PALM2AKAP2: variants seen among roughly 807,000 people sequenced by gnomAD.
PALM2AKAP2 encodes PALM2-AKAP2 fusion protein.
PALM2AKAP2 carries 37 observed loss-of-function variants against 71.5 expected under a neutral mutation model. The observed-to-expected ratio is 0.52, with a 90% CI of 0.40 to 0.68. PALM2AKAP2 has a LOEUF of 0.68. Ranked by LOEUF, PALM2AKAP2 falls within the 30% of genes least tolerant of loss-of-function variation. The probability of loss-of-function intolerance (pLI) is 0.00; values close to 1 mark genes in which losing one functional copy is unlikely to be tolerated. For missense variants in PALM2AKAP2, 1,224 were observed against 1,191.8 expected, an observed-to-expected ratio of 1.03 and a Z score of -0.40; for synonymous variants, 468 against 478.8, an observed-to-expected ratio of 0.98 and a Z score of 0.29.
chr9:109,815,625 A>G (rs1389176768), intron 1 of PALM2AKAP2, among the ~76,000 whole-genome samples: 3 of 152,222 alleles, frequency 2.0e-5, no homozygotes, highest in Admixed American at 6.5e-5. Context: ...AATGGTACAC[A>G]TTCTAAAAAG....
intron 3 of PALM2AKAP2, among the ~76,000 whole-genome samples, chr9:109,882,168 C>A (rs746460722): frequency 7.2e-5 from 11 of 152,118 alleles, no homozygotes; most frequent in Non-Finnish European, 1.6e-4. Flanking sequence ...CAGACATGAA[C>A]CACCGCACCT....
chr9:109,974,539 G>A (rs1809425937), intron 6 of PALM2AKAP2, among the ~76,000 whole-genome samples: 1 of 152,116 alleles, frequency 6.6e-6, no homozygotes, highest in Non-Finnish European at 1.5e-5. Flanking sequence ...TGAATCGGCA[G>A]AGTGACACAT....
At chr9:109,894,818 G>A (rs1830163843) in intron 3 of PALM2AKAP2, among the ~76,000 whole-genome samples, 1 of 152,028 alleles carries the variant, frequency 6.6e-6, no homozygotes, top group South Asian at 2.1e-4. Context: ...GCCTCGCTCT[G>A]TTGCCCAGGC....
chr9:109,666,172 G>A (rs1215238080), intron 1 of PALM2AKAP2, among the ~76,000 whole-genome samples: 1 of 152,118 alleles, frequency 6.6e-6, no homozygotes, highest in South Asian at 2.1e-4. Context: ...GCCCTGCTTC[G>A]GCTCACCCTC....
intron 6 of PALM2AKAP2, among the ~76,000 whole-genome samples, chr9:109,982,663 T>A (rs1832298351): frequency 1.3e-5 from 2 of 152,194 alleles, no homozygotes; most frequent in Admixed American, 1.3e-4. Flanking sequence ...TCTCATTCTG[T>A]CACCCAGGCA....
At chr9:110,041,593 T>G (rs1833513440) in intron 7 of PALM2AKAP2, among the ~76,000 whole-genome samples, 1 of 151,928 alleles carries the variant, frequency 6.6e-6, no homozygotes. Context: ...GGAAAGGAAA[T>G]AAATGTGGAA....
At chr9:110,028,762 C>T (rs1013614296) in intron 7 of PALM2AKAP2, among the ~76,000 whole-genome samples, 2 of 151,924 alleles carry the variant, frequency 1.3e-5, no homozygotes, top group Non-Finnish European at 2.9e-5. Flanking sequence ...TTGCATGGGA[C>T]ATACTTATAT....
intron 1 of PALM2AKAP2, among the ~76,000 whole-genome samples, chr9:109,817,664 C>T (rs1213322826): frequency 6.6e-6 from 1 of 152,154 alleles, no homozygotes; most frequent in Non-Finnish European, 1.5e-5. Context: ...GCTCAGAATT[C>T]CCTAACCTCA....
intron 1 of PALM2AKAP2, among the ~76,000 whole-genome samples, chr9:109,687,344 T>C (rs1316346035): frequency 6.6e-6 from 1 of 152,220 alleles, no homozygotes; most frequent in East Asian, 1.9e-4. Flanking sequence ...GGCTGTTTTG[T>C]CCTTATAGTG....
chr9:110,168,532 G>A (rs1340117633), exon 4 of PALM2AKAP2: 2 of 1,600,432 alleles, frequency 1.2e-6, no homozygotes, highest in Admixed American at 1.8e-5. Flanking sequence ...TTTGGTGCTT[G>A]GGAGACCAAG....
At chr9:110,125,781 T>C (rs1459721434) in intron 1 of PALM2AKAP2, among the ~76,000 whole-genome samples, 17 of 149,950 alleles carry the variant, frequency 1.1e-4, no homozygotes, top group African/African-American at 3.4e-4. Flanking sequence ...TCTCTCTCTT[T>C]TTTTTTTTTT....
chr9:110,007,496 C>T (rs1251712185), intron 6 of PALM2AKAP2, among the ~76,000 whole-genome samples: 1 of 152,172 alleles, frequency 6.6e-6, no homozygotes, highest in Non-Finnish European at 1.5e-5. Context: ...GCAACATCAT[C>T]TGGTATTTAA....
intron 1 of PALM2AKAP2, among the ~76,000 whole-genome samples, chr9:109,844,762 G>T (rs937138004): frequency 5.3e-5 from 8 of 152,192 alleles, no homozygotes; most frequent in African/African-American, 1.4e-4. Flanking sequence ...TGTTCTGTGT[G>T]TGCTGCTCCA....
intron 6 of PALM2AKAP2, among the ~76,000 whole-genome samples, chr9:109,975,777 C>T (rs530227949): frequency 4.6e-5 from 7 of 152,148 alleles, no homozygotes; most frequent in Admixed American, 1.3e-4. Flanking sequence ...TCACAGCCAC[C>T]ATCATACATT....
chr9:110,028,756 A>G (rs748998205), intron 7 of PALM2AKAP2, among the ~76,000 whole-genome samples: 30 of 152,144 alleles, frequency 2.0e-4, no homozygotes, highest in Non-Finnish European at 8.8e-5. Context: ...ATTAAATTGC[A>G]TGGGACATAC....
chr9:109,685,024 A>G (rs1041751126), intron 1 of PALM2AKAP2, among the ~76,000 whole-genome samples: 10 of 152,222 alleles, frequency 6.6e-5, no homozygotes, highest in Admixed American at 6.5e-4. Context: ...AAAGGATTAT[A>G]CTAAGTAGAG....
chr9:110,059,556 C>T (rs1833917370), intron 1 of PALM2AKAP2, among the ~76,000 whole-genome samples: 1 of 152,174 alleles, frequency 6.6e-6, no homozygotes, highest in Non-Finnish European at 1.5e-5. Context: ...TATGCATCAT[C>T]TTTTTATAAC....
chr9:109,838,094 A>C (rs1828534018), intron 1 of PALM2AKAP2, among the ~76,000 whole-genome samples: 2 of 152,138 alleles, frequency 1.3e-5, no homozygotes, highest in Admixed American at 1.3e-4. Flanking sequence ...GCACCACATC[A>C]CACTTATTTC....
At chr9:109,993,512 A>G (rs1407471866) in intron 6 of PALM2AKAP2, among the ~76,000 whole-genome samples, 9 of 152,346 alleles carry the variant, frequency 5.9e-5, no homozygotes, top group African/African-American at 1.9e-4. Context: ...CCTGAGGAAG[A>G]AAACTTAGGA....
Sources: gnomAD v4.1 joint callset for allele counts (sites outside exome capture counted in the v4.1 genomes callset) on GRCh38, gnomAD v4.1.1 for gene constraint, MANE v1.5 for transcripts, NCBI Gene and HGNC (gene_info 2026-07-23, HGNC 2026-07-21) for gene names.